CRPPA: variants seen among roughly 807,000 people sequenced by gnomAD.
CRPPA encodes the protein CDP-L-ribitol pyrophosphorylase A, also known as D-ribitol-5-phosphate cytidylyltransferase.
Under a neutral mutation model 52.0 loss-of-function variants are expected in CRPPA, and 43 were observed. The observed-to-expected ratio is 0.83, with a 90% CI of 0.65 to 1.07. The LOEUF is 1.07. Among genes scored for constraint, CRPPA ranks in the 50% least tolerant of loss-of-function variants. The pLI is 0.00. For missense variants in CRPPA, 629 were observed against 551.7 expected, an observed-to-expected ratio of 1.14 and a Z score of -1.40; for synonymous variants, 250 against 203.5, an observed-to-expected ratio of 1.23 and a Z score of -1.94.
chr7:16,264,086 C>G (rs1312989211), intron 6 of CRPPA, among the ~76,000 whole-genome samples: 1 of 152,026 alleles, frequency 6.6e-6, no homozygotes, highest in African/African-American at 2.4e-5. Context: ...AGAAAACAAT[C>G]AGTATTTTCC....
chr7:16,301,704 A>C (rs927944138), intron 4 of CRPPA, among the ~76,000 whole-genome samples: 3 of 152,220 alleles, frequency 2.0e-5, no homozygotes, highest in African/African-American at 7.2e-5. Flanking sequence ...TTGTTACCGA[A>C]ATCTTAATGT....
chr7:16,325,309 T>C (rs891444621), intron 3 of CRPPA, among the ~76,000 whole-genome samples: 1 of 152,126 alleles, frequency 6.6e-6, no homozygotes, highest in African/African-American at 2.4e-5. Flanking sequence ...AAACCATAGA[T>C]TAGACAGATT....
chr7:16,329,686 C>A (rs1308845474), intron 3 of CRPPA, among the ~76,000 whole-genome samples: 5 of 152,194 alleles, frequency 3.3e-5, no homozygotes, highest in Non-Finnish European at 2.9e-5. Context: ...AACACGTAAA[C>A]AATCTTCTAC....
In CRPPA at chr7:16,249,643, T is replaced by C. The variant is rs1363704202; in HGVS notation, c.1119+8747A>G. The stretch of plus-strand genomic sequence containing the variant: ...ACAAACCTGCAGCTAAGGGGCCTGA[T>C]TGTTAGAAGGAAAACTAACAAACAG... On this transcript the variant is annotated intron_variant, in intron 8 of 9. Coordinates refer to ENST00000407010, the MANE Select transcript of CRPPA (RefSeq NM_001101426.4). Among the ~76,000 whole-genome samples the C allele has an allele frequency of 2.6e-5, 4 of 152,120 alleles. No homozygotes were observed. The East Asian group carries it at 5.8e-4, about 22-fold the overall frequency.
intron 9 of CRPPA, among the ~76,000 whole-genome samples, chr7:16,182,601 G>C (rs1304461748): frequency 6.6e-6 from 1 of 151,416 alleles, no homozygotes; most frequent in Non-Finnish European, 1.5e-5. Context: ...GGTCTGTACA[G>C]AGCATCTACA....
chr7:16,399,988 T>A (rs1013319269), intron 2 of CRPPA, among the ~76,000 whole-genome samples: 5 of 152,188 alleles, frequency 3.3e-5, no homozygotes, highest in African/African-American at 1.2e-4. Context: ...GACACGTGAC[T>A]GACGCATTTG....
At chr7:16,387,918 C>T (rs1787331755) in intron 2 of CRPPA, among the ~76,000 whole-genome samples, 1 of 152,172 alleles carries the variant, frequency 6.6e-6, no homozygotes, top group African/African-American at 2.4e-5. Flanking sequence ...GGATCAAAAT[C>T]ATACCAAGTA....
rs1175134468 is a variant in CRPPA, at chr7:16,286,044, AATATATATATAT to A, written c.836-7830_836-7819del. Among the ~76,000 whole-genome samples, 40 of 12,542 alleles carry A rather than the reference AATATATATATAT, an allele frequency of 3.2e-3. 1 individual carries two copies. Among genetic ancestry groups the A allele is most frequent in the Admixed American group, 6.9e-3 (4 of 582 alleles). 8.2% of individuals were successfully genotyped at this position (12,542 alleles called of 152,430 possible). ...TCAAAAAAAAAAAAAAAAAAATATA[AATATATATATAT>A]ATATATATATATATATATATATATA... On this transcript the variant is annotated intron_variant, in intron 5 of 9. Coordinates refer to ENST00000407010, the MANE Select transcript of CRPPA (RefSeq NM_001101426.4).
At chr7:16,188,484 T>C (rs932656873) in intron 9 of CRPPA, among the ~76,000 whole-genome samples, 1 of 152,214 alleles carries the variant, frequency 6.6e-6, no homozygotes, top group African/African-American at 2.4e-5. Flanking sequence ...CATAGTATTG[T>C]AGTTATTAAT....
chr7:16,313,519 C>A (rs1375082559), intron 3 of CRPPA, among the ~76,000 whole-genome samples: 1 of 151,920 alleles, frequency 6.6e-6, no homozygotes, highest in Non-Finnish European at 1.5e-5. Flanking sequence ...TCTCTACTGA[C>A]TTCCTATTAT....
intron 2 of CRPPA, among the ~76,000 whole-genome samples, chr7:16,398,702 T>C (rs1249076580): frequency 6.6e-6 from 1 of 152,038 alleles, no homozygotes; most frequent in Non-Finnish European, 1.5e-5. Flanking sequence ...GATTGGCATC[T>C]AATCAACACG....
chr7:16,143,051 G>A (rs767534247), intron 9 of CRPPA, among the ~76,000 whole-genome samples: 6 of 152,258 alleles, frequency 3.9e-5, no homozygotes, highest in South Asian at 4.1e-4. Flanking sequence ...ATATTTTATC[G>A]TCTTGTATTT....
chr7:16,107,686 A>G (rs906026613), intron 9 of CRPPA, among the ~76,000 whole-genome samples: 3 of 152,142 alleles, frequency 2.0e-5, no homozygotes, highest in Non-Finnish European at 4.4e-5. Flanking sequence ...AAAAAAATCA[A>G]TTGTATAAGT....
intron 3 of CRPPA, among the ~76,000 whole-genome samples, chr7:16,346,049 A>C (rs1786007055): frequency 6.6e-6 from 1 of 152,200 alleles, no homozygotes; most frequent in South Asian, 2.1e-4. Context: ...GACACACTGG[A>C]AAAGATAATT....
chr7:16,418,238 A>G (rs1026286160), intron 1 of CRPPA, among the ~76,000 whole-genome samples: 3 of 152,234 alleles, frequency 2.0e-5, no homozygotes, highest in East Asian at 3.8e-4. Context: ...ATCATGTTCC[A>G]TAAGCTCTTC....
At chr7:16,158,353 C>T (rs190510422) in intron 9 of CRPPA, among the ~76,000 whole-genome samples, 156 of 152,150 alleles carry the variant, frequency 1.0e-3, no homozygotes, top group Admixed American at 6.2e-3. Context: ...GAAGTAGGAA[C>T]CCCGATTCCA....
chr7:16,095,751 A>G (rs1408065839), intron 9 of CRPPA, among the ~76,000 whole-genome samples: 1 of 152,180 alleles, frequency 6.6e-6, no homozygotes, highest in Non-Finnish European at 1.5e-5. Flanking sequence ...ATAGATTAAC[A>G]ATTTAAAGCT....
chr7:16,231,621 G>C (rs1237304200), intron 8 of CRPPA, among the ~76,000 whole-genome samples: 2 of 149,136 alleles, frequency 1.3e-5, no homozygotes, highest in African/African-American at 2.4e-5. Context: ...CACAGTCTAA[G>C]CTAAAACAGA....
chr7:16,223,528 G>A (rs1782574493), intron 8 of CRPPA, among the ~76,000 whole-genome samples: 2 of 152,140 alleles, frequency 1.3e-5, no homozygotes, highest in Non-Finnish European at 2.9e-5. Context: ...GCGTGATGAT[G>A]ACATGAAAAC....
Sources: allele counts gnomAD v4.1 joint callset (sites outside exome capture counted in the v4.1 genomes callset), GRCh38; gene constraint gnomAD v4.1.1; transcripts MANE v1.5; gene names NCBI Gene and HGNC (gene_info 2026-07-23, HGNC 2026-07-21).